Variants in PLA2G4A observed in about 807,000 individuals in gnomAD.
The protein encoded by PLA2G4A is phospholipase A2 group IVA, also known as cytosolic phospholipase A2.
In PLA2G4A, 40 loss-of-function variants were observed where a neutral mutation model predicts 81.9. That is an observed-to-expected ratio of 0.49 (90% CI 0.38 to 0.64). The LOEUF (loss-of-function observed/expected upper bound fraction) is 0.64. Among genes scored for constraint, PLA2G4A ranks in the 30% least tolerant of loss-of-function variants. The pLI, the probability that PLA2G4A is intolerant of heterozygous loss-of-function variation, is 0.00. For synonymous variants in PLA2G4A, 302 were observed against 296.9 expected, an observed-to-expected ratio of 1.02 and a Z score of -0.18; for missense variants, 715 against 905.1, an observed-to-expected ratio of 0.79 and a Z score of 2.69.
At chr1:186,952,567 A>G (rs1049782035) in intron 13 of PLA2G4A, among the ~76,000 whole-genome samples, 1 of 152,164 alleles carries the variant, frequency 6.6e-6, no homozygotes, top group African/African-American at 2.4e-5. Flanking sequence ...TGACATTATT[A>G]TCAGTCAAAG....
intron 2 of PLA2G4A, among the ~76,000 whole-genome samples, chr1:186,862,142 A>G (rs1407768749): frequency 6.6e-6 from 1 of 151,320 alleles, no homozygotes; most frequent in Non-Finnish European, 1.5e-5. Flanking sequence ...CTTTTTATAT[A>G]TGAAGAAACA....
At chr1:186,913,027 A>T (rs1571394869) in intron 7 of PLA2G4A, among the ~76,000 whole-genome samples, 1 of 151,040 alleles carries the variant, frequency 6.6e-6, no homozygotes, top group South Asian at 2.1e-4. Context: ...CTTGTTAATG[A>T]TAATGGAATT....
At chr1:186,893,918 CAAAA>C (rs35114616) in intron 4 of PLA2G4A, among the ~76,000 whole-genome samples, 176 bp from the exon 5 acceptor site, 11 of 118,276 alleles carry the variant, frequency 9.3e-5, no homozygotes, top group Non-Finnish European at 1.0e-4. Flanking sequence ...GACCCTGTCT[CAAAA>C]AAAAAAAAAA....
chr1:186,864,862 G>A (rs1168537598), intron 2 of PLA2G4A, among the ~76,000 whole-genome samples: 1 of 151,036 alleles, frequency 6.6e-6, no homozygotes, highest in Non-Finnish European at 1.5e-5. Context: ...GGAGGCTGAG[G>A]TGGGCAGATT....
At chr1:186,929,798 A>G (rs1655673994) in intron 7 of PLA2G4A, among the ~76,000 whole-genome samples, 1 of 152,198 alleles carries the variant, frequency 6.6e-6, no homozygotes, top group Non-Finnish European at 1.5e-5. Context: ...GTGGTAGCCC[A>G]TGCTTATAAT....
chr1:186,877,817 A>G (rs964960485), intron 3 of PLA2G4A, among the ~76,000 whole-genome samples: 2 of 149,474 alleles, frequency 1.3e-5, no homozygotes, highest in African/African-American at 4.9e-5. Flanking sequence ...GTGTGTGATT[A>G]TTACTTTTTT....
chr1:186,848,300 T>C (rs574589881), intron 1 of PLA2G4A, among the ~76,000 whole-genome samples: 1 of 152,218 alleles, frequency 6.6e-6, no homozygotes, highest in South Asian at 2.1e-4. Flanking sequence ...GAAGTAATAT[T>C]TTTCTTGCCT....
At chr1:186,896,533 G>A (rs1654338613) in intron 5 of PLA2G4A, among the ~76,000 whole-genome samples, 2 of 152,188 alleles carry the variant, frequency 1.3e-5, no homozygotes. Flanking sequence ...GAGGGCTTTG[G>A]AAGCATGGAT....
chr1:186,889,978 G>GTGA (rs1368795667), intron 3 of PLA2G4A, among the ~76,000 whole-genome samples: 2 of 152,130 alleles, frequency 1.3e-5, no homozygotes, highest in Non-Finnish European at 2.9e-5. Context: ...TATTAGCTAT[G>GTGA]TGATATTGGA....
chr1:186,877,558 T>C (rs963855031), intron 3 of PLA2G4A, among the ~76,000 whole-genome samples: 1 of 151,810 alleles, frequency 6.6e-6, no homozygotes, highest in Admixed American at 6.6e-5. Context: ...TGGAGAATGG[T>C]ATCTCCATTG....
At chr1:186,837,126 A>G (rs1651804039) in intron 1 of PLA2G4A, among the ~76,000 whole-genome samples, 1 of 152,174 alleles carries the variant, frequency 6.6e-6, no homozygotes, top group Non-Finnish European at 1.5e-5. Flanking sequence ...TTCTAGAGGA[A>G]AGAGGTTGAA....
intron 1 of PLA2G4A, among the ~76,000 whole-genome samples, chr1:186,853,766 A>G (rs1203370395): frequency 2.0e-5 from 3 of 151,906 alleles, no homozygotes; most frequent in African/African-American, 7.2e-5. Context: ...CTTCCAAATT[A>G]AACTGGTGTC....
intron 3 of PLA2G4A, among the ~76,000 whole-genome samples, chr1:186,874,345 C>T (rs752167480): frequency 1.2e-4 from 18 of 146,150 alleles, no homozygotes; most frequent in Non-Finnish European, 2.4e-4. Flanking sequence ...GACACAAATG[C>T]AATAGCTACC....
chr1:186,899,169 C>G (rs1558415357), intron 5 of PLA2G4A, among the ~76,000 whole-genome samples: 2 of 152,140 alleles, frequency 1.3e-5, no homozygotes, highest in Non-Finnish European at 2.9e-5. Flanking sequence ...GTCACAAAGG[C>G]AGTTCCAAAA....
chr1:186,973,473 T>A (rs1324285510), intron 15 of PLA2G4A, among the ~76,000 whole-genome samples: 1 of 152,160 alleles, frequency 6.6e-6, no homozygotes, highest in Non-Finnish European at 1.5e-5. Context: ...TTTCCCCAAA[T>A]AAGGTCATAT....
rs1654198700 is a variant in PLA2G4A at position 186,892,956 on chromosome 1, T to G, written c.116-55T>G. 2.7e-5 allele frequency: 34 copies of G among 1,273,438 alleles called. No homozygotes were observed. The South Asian group carries it at 4.1e-4, about 15-fold the overall frequency. The allele number at this position is 1,273,438 out of a possible 1,614,324, so 78.9% of individuals were successfully genotyped here. The stretch of plus-strand genomic sequence containing the variant: ...TGACAACATATATTAATAAAAAAAT[T>G]AGGAACTATGAATCACATTTCTACC... On this transcript the variant is annotated intron_variant, in intron 3 of 17. Transcript: ENST00000367466.
chr1:186,976,768 G>A (rs1657545531), intron 15 of PLA2G4A, among the ~76,000 whole-genome samples: 1 of 152,124 alleles, frequency 6.6e-6, no homozygotes, highest in African/African-American at 2.4e-5. Flanking sequence ...TTAATTTTGG[G>A]GGTGCTTACC....
Position 186,956,183 on chromosome 1 carries a change from T to C in PLA2G4A, c.1418T>C (p.Val473Ala), listed in dbSNP as rs1656747908. ...ATTCATCGTATGATAATGGCCTTGG[T>C]GAGTGATTCAGCTTTATTCAATACC... The part of the protein sequence containing the change: ...SWIHRMIMAL[V>A]SDSALFNTRE... Residue 473 changes from valine to alanine, a missense_variant, in exon 14 of 18, where the codon GTG (valine) becomes GCG (alanine). Physicochemically the swap from Val to Ala is moderately conservative, Grantham distance 64. Coordinates refer to ENST00000367466, the MANE Select transcript of PLA2G4A (RefSeq NM_024420.3). 1 of 1,613,808 alleles carries C rather than the reference T, an allele frequency of 6.2e-7. No homozygotes were observed. The highest frequency in any genetic ancestry group is 8.5e-7 in the Non-Finnish European group (1 of 1,179,752).
At chr1:186,982,974 C>A (rs1049471588) in intron 17 of PLA2G4A, among the ~76,000 whole-genome samples, 1 of 151,300 alleles carries the variant, frequency 6.6e-6, no homozygotes, top group African/African-American at 2.4e-5. Context: ...GTCCCAGCTA[C>A]TAGGGAGGCT....
Sources: gnomAD v4.1 joint callset for allele counts (sites outside exome capture counted in the v4.1 genomes callset) on GRCh38, gnomAD v4.1.1 for gene constraint, MANE v1.5 for transcripts, NCBI Gene and HGNC (gene_info 2026-07-23, HGNC 2026-07-21) for gene names.